The following SGCZ variants were observed in gnomAD, a reference collection of about 807,000 sequenced individuals.
SGCZ encodes the protein zeta-sarcoglycan.
Under a neutral mutation model 41.3 loss-of-function variants are expected in SGCZ, and 40 were observed. The ratio of observed to expected loss-of-function variants is 0.97; its 90% CI spans 0.75 to 1.26. The LOEUF (loss-of-function observed/expected upper bound fraction) is 1.26. SGCZ is among the 50% of genes most tolerant of loss of function. The pLI, the probability that SGCZ is intolerant of heterozygous loss-of-function variation, is 0.00. For missense variants in SGCZ, 552 were observed against 369.8 expected (o/e 1.49, Z -4.04); for synonymous variants, 206 against 137.5 (o/e 1.50, Z -3.49).
chr8:15,121,896 T>A lies in SGCZ; in HGVS notation c.39+115689A>T, dbSNP rs1415189158. Among the ~76,000 whole-genome samples the A allele has an allele frequency of 1.0e-4, 10 of 95,250 alleles. No homozygotes were observed. In the South Asian group the frequency reaches 3.4e-3, roughly 32 times the overall value. 62.5% of individuals were successfully genotyped at this position (95,250 alleles called of 152,430 possible). On this transcript the variant is annotated intron_variant, in intron 1 of 7. Coordinates refer to ENST00000382080, the MANE Select transcript of SGCZ (RefSeq NM_139167.4). ...CAAACATGGGCTTTCTTTTCGGCAGTTACCAAAAAAAAAAAAAAAAATAGA... is the reference window on the plus strand; with the variant it reads ...CAAACATGGGCTTTCTTTTCGGCAGATACCAAAAAAAAAAAAAAAAATAGA...
chr8:14,132,967 G>A (rs1803087223), intron 5 of SGCZ, among the ~76,000 whole-genome samples: 3 of 152,100 alleles, frequency 2.0e-5, no homozygotes, highest in Non-Finnish European at 2.9e-5. Flanking sequence ...CTCAGCTAGT[G>A]TTTTGAGAAG....
intron 1 of SGCZ, among the ~76,000 whole-genome samples, chr8:14,701,073 G>T (rs1225770761): frequency 6.6e-6 from 1 of 151,964 alleles, no homozygotes; most frequent in African/African-American, 2.4e-5. Flanking sequence ...AGGAACTGGA[G>T]TGTTGCGGAA....
Position 14,575,620 on chromosome 8 carries a change from T to C in SGCZ, c.40-20694A>G, listed in dbSNP as rs111820432. On this transcript the variant is annotated intron_variant, in intron 1 of 7. Transcript: ENST00000382080. ...AACAACACAGAGCAGTTAAAATGAA[T>C]TGAGGGCCAGGCACAGTGGTGTACG... Among the ~76,000 whole-genome samples, 539 of 152,042 alleles carry C rather than the reference T, an allele frequency of 3.5e-3. 2 individuals carry two copies. Among genetic ancestry groups the C allele is most frequent in the African/African-American group, 0.012 (511 of 41,502 alleles).
intron 1 of SGCZ, among the ~76,000 whole-genome samples, chr8:15,094,386 T>C (rs1806259336): frequency 1.3e-5 from 2 of 152,094 alleles, no homozygotes; most frequent in Admixed American, 1.3e-4. Context: ...CCACCTGCCT[T>C]GGCCTCCCAA....
At chr8:14,672,129 T>C (rs965439023) in intron 1 of SGCZ, among the ~76,000 whole-genome samples, 1 of 152,176 alleles carries the variant, frequency 6.6e-6, no homozygotes, top group African/African-American at 2.4e-5. Flanking sequence ...AAAAGAACTG[T>C]GAGGTTCTCT....
chr8:14,817,562 G>T (rs963118233), intron 1 of SGCZ, among the ~76,000 whole-genome samples: 2 of 152,108 alleles, frequency 1.3e-5, no homozygotes, highest in African/African-American at 2.4e-5. Flanking sequence ...CCATTCCTGA[G>T]ACACCATTGT....
At chr8:14,631,040 T>A (rs1806632472) in intron 1 of SGCZ, among the ~76,000 whole-genome samples, 1 of 151,836 alleles carries the variant, frequency 6.6e-6, no homozygotes, top group African/African-American at 2.4e-5. Flanking sequence ...AAAATAAAAA[T>A]AAATTTATAT....
chr8:14,536,465 T>A (rs1035411203), intron 2 of SGCZ, among the ~76,000 whole-genome samples: 2 of 151,914 alleles, frequency 1.3e-5, no homozygotes, highest in African/African-American at 4.8e-5. Flanking sequence ...TACTTTTGAT[T>A]TCTTTTCATG....
intron 1 of SGCZ, among the ~76,000 whole-genome samples, chr8:14,814,636 G>C (rs549468437): frequency 6.6e-6 from 1 of 152,244 alleles, no homozygotes; most frequent in African/African-American, 2.4e-5. Context: ...AGAGAAGATG[G>C]GAGGACGCAA....
At chr8:15,066,226 T>C (rs996637832) in intron 1 of SGCZ, among the ~76,000 whole-genome samples, 1 of 149,184 alleles carries the variant, frequency 6.7e-6, no homozygotes, top group Non-Finnish European at 1.5e-5. Context: ...GAGAATGGCG[T>C]GAACCCGGGA....
intron 5 of SGCZ, among the ~76,000 whole-genome samples, chr8:14,144,371 G>T (rs1011117050): frequency 2.6e-5 from 4 of 152,260 alleles, no homozygotes; most frequent in African/African-American, 7.2e-5. Context: ...GATAGACCCT[G>T]GGCCAGAAGG....
intron 1 of SGCZ, among the ~76,000 whole-genome samples, chr8:15,051,131 T>G (rs1018761056): frequency 1.3e-5 from 2 of 152,148 alleles, no homozygotes; most frequent in Admixed American, 1.3e-4. Context: ...TCAGTCCTTC[T>G]TCACCTGCAG....
chr8:15,098,876 T>A (rs1404373421), intron 1 of SGCZ, among the ~76,000 whole-genome samples: 1 of 152,256 alleles, frequency 6.6e-6, no homozygotes, highest in East Asian at 1.9e-4. Context: ...CCGGCCAACA[T>A]GGCGAAATCC....
chr8:14,969,512 C>G (rs1801225782), intron 1 of SGCZ, among the ~76,000 whole-genome samples: 1 of 151,966 alleles, frequency 6.6e-6, no homozygotes, highest in African/African-American at 2.4e-5. Flanking sequence ...TTCTTAACTC[C>G]CCTCTCTTCT....
At chr8:15,156,984 A>C (rs1046990323) in intron 1 of SGCZ, among the ~76,000 whole-genome samples, 3 of 151,922 alleles carry the variant, frequency 2.0e-5, no homozygotes, top group Non-Finnish European at 1.5e-5. Context: ...AGAAAGAGAA[A>C]AGAAAGCAAG....
At chr8:14,507,772 T>TTG (rs1802348275) in intron 2 of SGCZ, among the ~76,000 whole-genome samples, 1 of 61,982 alleles carries the variant, frequency 1.6e-5, no homozygotes, top group African/African-American at 9.1e-5. Context: ...TTTTTTGTTT[T>TTG]TGTTTTTTTT....
intron 1 of SGCZ, among the ~76,000 whole-genome samples, chr8:15,009,471 G>T (rs1256139300): frequency 6.6e-6 from 1 of 152,132 alleles, no homozygotes; most frequent in Non-Finnish European, 1.5e-5. Context: ...TAGTTTACAA[G>T]TTTATCTCAA....
chr8:14,806,509 C>T (rs1008602061), intron 1 of SGCZ, among the ~76,000 whole-genome samples: 3 of 152,168 alleles, frequency 2.0e-5, no homozygotes, highest in African/African-American at 7.2e-5. Context: ...TCGACACATA[C>T]ACTTTCCCAA....
intron 1 of SGCZ, among the ~76,000 whole-genome samples, chr8:15,053,629 G>A (rs968269699): frequency 3.3e-5 from 5 of 152,056 alleles, no homozygotes; most frequent in South Asian, 2.1e-4. Flanking sequence ...AAAGAAAGTC[G>A]GAGGTGATAT....
Sources: gnomAD v4.1 joint callset for allele counts (sites outside exome capture counted in the v4.1 genomes callset) on GRCh38, gnomAD v4.1.1 for gene constraint, MANE v1.5 for transcripts, NCBI Gene and HGNC (gene_info 2026-07-23, HGNC 2026-07-21) for gene names.